The following SYNE2 variants were observed in gnomAD, a reference collection of about 807,000 sequenced individuals.
SYNE2 encodes the protein spectrin repeat containing nuclear envelope protein 2.
SYNE2 carries 431 observed loss-of-function variants against 856.3 expected under a neutral mutation model. The observed-to-expected ratio is 0.50, with a 90% CI of 0.47 to 0.55. SYNE2 has a LOEUF of 0.55. Ranked by LOEUF, SYNE2 falls within the 20% of genes least tolerant of loss-of-function variation. The probability of loss-of-function intolerance (pLI) is 0.00; values close to 1 mark genes in which losing one functional copy is unlikely to be tolerated. For synonymous variants in SYNE2, 2,923 were observed against 2,872.3 expected, an observed-to-expected ratio of 1.02 and a Z score of -0.56; for missense variants, 8,129 against 8,023.2, an observed-to-expected ratio of 1.01 and a Z score of -0.50.
chr14:64,223,199 A>G lies in SYNE2; in HGVS notation c.20201A>G (p.Lys6734Arg). The G allele has an allele frequency of 6.2e-7, 1 of 1,613,822 alleles. No homozygotes were observed. The change falls in exon 113 of 116, where the codon AAG becomes AGG. Residue 6734 changes from lysine to arginine, a missense_variant. Physicochemically the swap from Lys to Arg is conservative, Grantham distance 26. Around this residue, in one of 3 missense-constraint regions of SYNE2, gnomAD observed 5,410 missense variants for 5,284.8 expected, o/e 1.02. Transcript: ENST00000555002. ...TTTATCTGTTTTCAGCAACTGGAAA[A>G]GGAGCTGGTAGAACGTCAACCTCAA... is the stretch of plus-strand genomic sequence containing the variant. ...ECRRELMQLE[K>R]ELVERQPQVD...
At chr14:63,984,193 G>A (rs971642844) in intron 18 of SYNE2, among the ~76,000 whole-genome samples, 14 of 152,222 alleles carry the variant, frequency 9.2e-5, no homozygotes, top group African/African-American at 1.7e-4. Context: ...AAAGTGAGGC[G>A]AGATCGTGCC....
intron 87 of SYNE2, 32 bp from the exon 88 acceptor site, chr14:64,162,040 T>TCCTC (rs766410961): frequency 5.0e-6 from 8 of 1,613,200 alleles, no homozygotes; most frequent in Non-Finnish European, 6.8e-6. Flanking sequence ...AAGGAGAGAA[T>TCCTC]GAGGGTTATG....
chr14:63,956,584 G>T (rs1411532048), intron 8 of SYNE2: 1 of 377,536 alleles, frequency 2.6e-6, no homozygotes, highest in Non-Finnish European at 5.2e-6. Context: ...CATACCATAT[G>T]ATGTATCATT....
intron 1 of SYNE2, among the ~76,000 whole-genome samples, chr14:63,896,156 A>G (rs1269753740): frequency 4.6e-5 from 7 of 152,234 alleles, no homozygotes; most frequent in Non-Finnish European, 7.3e-5. Context: ...TGTTCATTAA[A>G]TTAAAAGAAT....
chr14:63,805,905 A>G (rs1888344607), intron 1 of SYNE2, among the ~76,000 whole-genome samples: 2 of 152,230 alleles, frequency 1.3e-5, no homozygotes, highest in African/African-American at 4.8e-5. Flanking sequence ...TTTTCTAAGT[A>G]TAAAATCATA....
chr14:64,216,130 A>G, intron 107 of SYNE2, 118 bp from the exon 108 acceptor site: 2 of 1,576,010 alleles, frequency 1.3e-6, no homozygotes, highest in South Asian at 1.1e-5. Context: ...TTTTGCAAAC[A>G]TGCATGCTTT....
chr14:63,779,445 A>AG, intron 1 of SYNE2, among the ~76,000 whole-genome samples: 1 of 151,040 alleles, frequency 6.6e-6, no homozygotes, highest in East Asian at 1.9e-4. Context: ...GTCTCAAAAA[A>AG]AAAAAAAAAA....
intron 1 of SYNE2, among the ~76,000 whole-genome samples, chr14:63,839,309 G>A (rs1595162013): frequency 6.6e-6 from 1 of 152,148 alleles, no homozygotes; most frequent in Non-Finnish European, 1.5e-5. Flanking sequence ...GATTACAGGT[G>A]TGAGCCACCG....
chr14:63,818,037 A>C (rs1889067346), intron 1 of SYNE2, among the ~76,000 whole-genome samples: 2 of 148,938 alleles, frequency 1.3e-5, no homozygotes, highest in African/African-American at 5.0e-5. Flanking sequence ...AAAAAAAAAA[A>C]AAAAAAAAAC....
At chr14:64,132,551 G>A in intron 77 of SYNE2, 113 bp downstream of exon 77, 2 of 1,377,458 alleles carry the variant, frequency 1.5e-6, no homozygotes, top group African/African-American at 1.4e-5. Flanking sequence ...TTAAATGGAA[G>A]CCTGACAGTG....
intron 1 of SYNE2, among the ~76,000 whole-genome samples, chr14:63,836,002 GA>G (rs1889847983): frequency 6.6e-6 from 1 of 150,700 alleles, no homozygotes; most frequent in Non-Finnish European, 1.5e-5. Context: ...AAAAAAAGGT[GA>G]AAATATCCAA....
At chr14:64,133,967 G>A (rs1051968823) in intron 77 of SYNE2, 102 bp from the exon 78 acceptor site, 2 of 1,391,064 alleles carry the variant, frequency 1.4e-6, no homozygotes, top group African/African-American at 1.4e-5. Flanking sequence ...CTTTAATTTT[G>A]TATGGTCTTG....
chr14:63,800,265 C>A (rs1464606490), intron 1 of SYNE2, among the ~76,000 whole-genome samples: 2 of 151,882 alleles, frequency 1.3e-5, no homozygotes, highest in African/African-American at 2.4e-5. Flanking sequence ...CTTCTGTTGC[C>A]CAGGCTGGAG....
At chr14:64,120,090 ACT>A (rs2097886830) in intron 67 of SYNE2, among the ~76,000 whole-genome samples, 1 of 152,164 alleles carries the variant, frequency 6.6e-6, no homozygotes, top group Non-Finnish European at 1.5e-5. Context: ...TTTTAAAAGC[ACT>A]CTGTGTTTAT....
chr14:63,986,344 C>T, intron 18 of SYNE2, 112 bp from the exon 19 acceptor site: 2 of 1,130,472 alleles, frequency 1.8e-6, no homozygotes, highest in Non-Finnish European at 2.6e-6. Context: ...AAGCAATCCT[C>T]CTGCCCTGGC....
At position 64,055,948 on chromosome 14, in the gene SYNE2, T is replaced by A. The variant is rs529313946; in HGVS notation, c.9749T>A (p.Val3250Asp). The change falls in exon 49 of 116, where the codon GTC (valine) becomes GAC (aspartate). Residue 3250 changes from valine to aspartate, a missense_variant. By Grantham distance (152) the Val-to-Asp change is radical. Transcript: ENST00000555002. ...LNTSIDLRTN[V>D]LNDAYENLTR... ...ATTTAATCTCCTATTCACTAGAATG[T>A]CTTGAATGATGCTTATGAAAATCTA... The A allele has an allele frequency of 3.7e-6, 6 of 1,613,350 alleles. No homozygotes were observed. In the African/African-American group the frequency reaches 5.3e-5, roughly 14 times the overall value.
intron 99 of SYNE2, among the ~76,000 whole-genome samples, chr14:64,199,216 C>T (rs191790352): frequency 6.6e-6 from 1 of 152,338 alleles, no homozygotes; most frequent in East Asian, 1.9e-4. Flanking sequence ...TCTCTGACTG[C>T]AGCAAAATGA....
At chr14:64,026,262 TATC>T in intron 41 of SYNE2, among the ~76,000 whole-genome samples, 1 of 152,346 alleles carries the variant, frequency 6.6e-6, no homozygotes, top group East Asian at 1.9e-4. Flanking sequence ...GTCAGATTGT[TATC>T]ATAACTCTCC....
Position 64,225,434 on chromosome 14 carries a change from T to G in SYNE2, c.20632T>G (p.Ser6878Ala), listed in dbSNP as rs562773114. The G allele has an allele frequency of 8.3e-4, 1,342 of 1,614,104 alleles. 1 individual carries two copies. Among genetic ancestry groups the G allele is most frequent in the Non-Finnish European group, 1.0e-3 (1,211 of 1,179,980 alleles). The change falls in exon 116 of 116, where the codon TCC becomes GCC. Residue 6878 changes from serine (S) to alanine (A), a missense_variant. Physicochemically the swap from Ser to Ala is moderately conservative, Grantham distance 99 (BLOSUM62 1). Coordinates refer to ENST00000555002, the MANE Select transcript of SYNE2 (RefSeq NM_182914.3). ...GCTCCTGGCCTGCCTGCTGCCCTCCTCCGAAGAAGACTACAGCTGCACTCA... is the reference window on the plus strand; with the variant it reads ...GCTCCTGGCCTGCCTGCTGCCCTCCGCCGAAGAAGACTACAGCTGCACTCA... ...LLLLACLLPS[S>A]EEDYSCTQAN...
Sources: allele counts gnomAD v4.1 joint callset (sites outside exome capture counted in the v4.1 genomes callset), GRCh38; gene constraint gnomAD v4.1.1; regional missense constraint gnomAD v4.1.1; transcripts MANE v1.5; gene names NCBI Gene and HGNC (gene_info 2026-07-23, HGNC 2026-07-21).